KSR2: variants seen among roughly 807,000 people sequenced by gnomAD.
KSR2 encodes kinase suppressor of ras 2.
KSR2 carries 25 observed loss-of-function variants against 107.8 expected under a neutral mutation model. That is an observed-to-expected ratio of 0.23 (90% CI 0.17 to 0.32). KSR2 has a LOEUF of 0.32. Ranked by LOEUF, KSR2 falls within the 10% of genes least tolerant of loss-of-function variation. The pLI, the probability that KSR2 is intolerant of heterozygous loss-of-function variation, is 1.00. For missense variants in KSR2, 887 were observed against 1,268.9 expected, an observed-to-expected ratio of 0.70 and a Z score of 4.57; for synonymous variants, 480 against 507.0, an observed-to-expected ratio of 0.95 and a Z score of 0.71.
intron 3 of KSR2, among the ~76,000 whole-genome samples, chr12:117,847,017 C>G (rs1389192868): frequency 6.6e-6 from 1 of 152,208 alleles, no homozygotes; most frequent in Non-Finnish European, 1.5e-5. Context: ...TTCTGCCGCT[C>G]GTAAGCGAGA....
At chr12:117,579,472 A>G (rs1879511183) in intron 6 of KSR2, among the ~76,000 whole-genome samples, 1 of 152,144 alleles carries the variant, frequency 6.6e-6, no homozygotes. Context: ...TGGCTGGTAC[A>G]TAGTAAGCAC....
chr12:117,761,068 C>T lies in KSR2; in HGVS notation c.929G>A (p.Arg310Gln). The change falls in exon 4 of 20, where the codon CGG (arginine) becomes CAG (glutamine). Residue 310 changes from arginine to glutamine, a missense_variant. Transcript: ENST00000339824. The stretch of plus-strand genomic sequence containing the variant: ...CAGCTGGAACTCGTGGGATTTGCTC[C>T]GATGCAGCGCGGTGAATCCCGGGAT... ...HLIPGFTALH[R>Q]SKSHEFQLGH... 1.2e-6 allele frequency: 2 copies of T among 1,613,776 alleles called. No homozygotes were observed. The highest frequency in any genetic ancestry group is 1.1e-5 in the South Asian group (1 of 91,078).
At chr12:117,523,804 C>T (rs1370477420) in intron 14 of KSR2, among the ~76,000 whole-genome samples, 1 of 152,182 alleles carries the variant, frequency 6.6e-6, no homozygotes, top group Non-Finnish European at 1.5e-5. Flanking sequence ...GAAACCCTGT[C>T]TCTACTAAAA....
At chr12:117,872,171 C>T (rs375080972) in intron 1 of KSR2, among the ~76,000 whole-genome samples, 1 of 152,128 alleles carries the variant, frequency 6.6e-6, no homozygotes, top group East Asian at 1.9e-4. Flanking sequence ...ATAATAACCC[C>T]ATCTTATTTA....
intron 12 of KSR2, among the ~76,000 whole-genome samples, chr12:117,527,513 T>TAAAC (rs1299276357): frequency 6.6e-6 from 1 of 152,224 alleles, no homozygotes; most frequent in African/African-American, 2.4e-5. Flanking sequence ...CAGAGCTGTA[T>TAAAC]ATGTTTGCCA....
At chr12:117,847,683 AC>A (rs2137190151) in intron 3 of KSR2, among the ~76,000 whole-genome samples, 1 of 152,266 alleles carries the variant, frequency 6.6e-6, no homozygotes, top group East Asian at 1.9e-4. Flanking sequence ...GCCATGGCCC[AC>A]CGTGGGGGCT....
intron 19 of KSR2, among the ~76,000 whole-genome samples, chr12:117,469,315 A>G (rs2137110925): frequency 6.6e-6 from 1 of 152,298 alleles, no homozygotes; most frequent in African/African-American, 2.4e-5. Context: ...GGCCTCGTGG[A>G]GGGGTACTCT....
intron 5 of KSR2, among the ~76,000 whole-genome samples, chr12:117,664,198 A>G (rs1055261886): frequency 7.9e-5 from 12 of 151,970 alleles, no homozygotes; most frequent in African/African-American, 2.9e-4. Flanking sequence ...GTAAGCCCCA[A>G]GAAGGTGATG....
intron 14 of KSR2, among the ~76,000 whole-genome samples, chr12:117,513,008 G>C: frequency 6.6e-6 from 1 of 151,758 alleles, no homozygotes; most frequent in Non-Finnish European, 1.5e-5. Context: ...GTAGTTCACC[G>C]CCCACCCCTC....
At chr12:117,753,030 G>A (rs1593200324) in intron 4 of KSR2, among the ~76,000 whole-genome samples, 2 of 152,336 alleles carry the variant, frequency 1.3e-5, no homozygotes, top group African/African-American at 2.4e-5. Context: ...TAAGGAATCA[G>A]TGCCTGTTTA....
chr12:117,467,207 TG>T lies in KSR2; in HGVS notation c.2847-3del. 1.4e-6 allele frequency: 1 copy of T among 732,054 alleles called. No homozygotes were observed. The highest frequency in any genetic ancestry group is 2.5e-6 in the Non-Finnish European group (1 of 397,292). The allele number at this position is 732,054 out of a possible 1,614,324, so 45.3% of individuals were successfully genotyped here. ...GTCCCGATGTCCAAAGGTCACAGCC[TG>T]GAGTGGGGAGAGAAGGGAGAGAGTG... On this transcript the variant is annotated splice_polypyrimidine_tract_variant and splice_region_variant and intron_variant, in intron 19 of 19. Coordinates refer to ENST00000339824, the MANE Select transcript of KSR2 (RefSeq NM_173598.6).
At chr12:117,523,370 A>G (rs1874891736) in intron 14 of KSR2, among the ~76,000 whole-genome samples, 1 of 152,204 alleles carries the variant, frequency 6.6e-6, no homozygotes, top group South Asian at 2.1e-4. Context: ...GCCCCTTGGC[A>G]TCACAGGTCA....
chr12:117,871,950 C>A (rs1893668224), intron 1 of KSR2, among the ~76,000 whole-genome samples: 1 of 152,114 alleles, frequency 6.6e-6, no homozygotes, highest in South Asian at 2.1e-4. Context: ...AGCCACTATT[C>A]CCCATTTATT....
chr12:117,652,247 A>G (rs4767595), intron 5 of KSR2, among the ~76,000 whole-genome samples: 105,088 of 151,970 alleles, frequency 0.69, 37,850 homozygotes, highest in South Asian at 0.82. Flanking sequence ...AAATCTCACA[A>G]ATCACCACTA....
intron 4 of KSR2, among the ~76,000 whole-genome samples, chr12:117,692,501 T>TAC (rs1885868886): frequency 1.4e-5 from 1 of 72,922 alleles, no homozygotes; most frequent in South Asian, 5.1e-4. Context: ...TATATATATA[T>TAC]ATATACACAC....
intron 7 of KSR2, among the ~76,000 whole-genome samples, chr12:117,573,560 C>G (rs927164344): frequency 1.4e-5 from 2 of 140,194 alleles, no homozygotes; most frequent in Non-Finnish European, 3.0e-5. Context: ...TAGGGTCTCA[C>G]TCTGTCACCC....
intron 5 of KSR2, among the ~76,000 whole-genome samples, chr12:117,615,688 C>T (rs115911221): frequency 0.014 from 2,155 of 152,232 alleles, 47 homozygotes; most frequent in African/African-American, 0.05. Flanking sequence ...TGGATCCTTT[C>T]GGCCTCGGTC....
rs569909402 is a variant in KSR2, at chr12:117,762,979, T to C, written c.473-1455A>G. Among the ~76,000 whole-genome samples the C allele has an allele frequency of 1.4e-3, 220 of 152,292 alleles. 1 individual carries two copies. Among genetic ancestry groups the C allele is most frequent in the African/African-American group, 4.9e-3 (205 of 41,544 alleles). ...TATGCATACATGTGCCATGTTGGTGTGCTGCACTCATTAACTCGTCATTTA... is the reference window on the plus strand; with the variant it reads ...TATGCATACATGTGCCATGTTGGTGCGCTGCACTCATTAACTCGTCATTTA... On this transcript the variant is annotated intron_variant, in intron 3 of 19. Transcript: ENST00000339824.
intron 3 of KSR2, among the ~76,000 whole-genome samples, chr12:117,784,313 T>C (rs574563503): frequency 6.6e-6 from 1 of 152,328 alleles, no homozygotes; most frequent in Admixed American, 6.5e-5. Context: ...GATGGTTTTA[T>C]AAATGGGAGT....
Sources: allele counts gnomAD v4.1 joint callset (sites outside exome capture counted in the v4.1 genomes callset), GRCh38; gene constraint gnomAD v4.1.1; transcripts MANE v1.5; gene names NCBI Gene and HGNC (gene_info 2026-07-23, HGNC 2026-07-21).